Variants in SLC4A1AP observed in about 807,000 individuals in gnomAD.
SLC4A1AP encodes kanadaptin.
A neutral mutation model predicts 89.7 loss-of-function variants in SLC4A1AP; 64 were observed. The ratio of observed to expected loss-of-function variants is 0.71; its 90% confidence interval spans 0.58 to 0.88. The LOEUF (loss-of-function observed/expected upper bound fraction) is 0.88. SLC4A1AP is among the 40% of genes least tolerant of loss of function. SLC4A1AP has a pLI of 0.00. For missense variants in SLC4A1AP, 931 were observed against 965.0 expected, an observed-to-expected ratio of 0.96 and a Z score of 0.47; for synonymous variants, 366 against 353.3, an observed-to-expected ratio of 1.04 and a Z score of -0.40.
chr2:27,687,699 T>C (rs1055390681), intron 10 of SLC4A1AP, among the ~76,000 whole-genome samples: 1 of 152,194 alleles, frequency 6.6e-6, no homozygotes, highest in Non-Finnish European at 1.5e-5. Context: ...TTTTAGTAAG[T>C]ATTGCTAAAA....
chr2:27,664,952 G>A, intron 1 of SLC4A1AP, 148 bp from the exon 2 acceptor site: 1 of 582,570 alleles, frequency 1.7e-6, no homozygotes, highest in Non-Finnish European at 2.9e-6. Context: ...AGCTGCTCAG[G>A]AGGCTGAGGT....
At chr2:27,684,343 G>A (rs1419047931) in intron 9 of SLC4A1AP, among the ~76,000 whole-genome samples, 5 of 150,918 alleles carry the variant, frequency 3.3e-5, no homozygotes, top group East Asian at 2.0e-4. Flanking sequence ...CAGGAGAATC[G>A]CTTGAACCGG....
At chr2:27,691,301 A>G (rs1675782929) in intron 12 of SLC4A1AP, among the ~76,000 whole-genome samples, 1 of 151,902 alleles carries the variant, frequency 6.6e-6, no homozygotes, top group South Asian at 2.1e-4. Flanking sequence ...GAATTTATCC[A>G]TTTCTACTAG....
intron 12 of SLC4A1AP, among the ~76,000 whole-genome samples, chr2:27,689,950 A>T (rs1165266339): frequency 6.6e-6 from 1 of 152,206 alleles, no homozygotes; most frequent in Non-Finnish European, 1.5e-5. Flanking sequence ...GCAGTGTGTT[A>T]ACTGCCCCTT....
intron 6 of SLC4A1AP, among the ~76,000 whole-genome samples, chr2:27,676,260 A>G (rs887207713): frequency 1.3e-5 from 2 of 152,204 alleles, no homozygotes; most frequent in South Asian, 2.1e-4. Flanking sequence ...GTACAATACA[A>G]CCTTTTAAGT....
In SLC4A1AP at chr2:27,693,811, G is replaced by A. The variant is rs184191188; in HGVS notation, c.2341+57G>A. On this transcript the variant is annotated intron_variant, in intron 13 of 13. Transcript: ENST00000613058. ...GTTCATTTATTTATATTTTTGAATA[G>A]GTAATATAGATTTAAGGTTCAACAT... 2.1e-5 allele frequency: 28 copies of A among 1,303,028 alleles called. 1 individual carries two copies. The African/African-American group carries it at 3.0e-4, about 14-fold the overall frequency. The allele number at this position is 1,303,028 out of a possible 1,614,324, so 80.7% of individuals were successfully genotyped here.
At chr2:27,676,916 T>C (rs1453650466) in intron 6 of SLC4A1AP, among the ~76,000 whole-genome samples, 4 of 151,432 alleles carry the variant, frequency 2.6e-5, no homozygotes, top group Admixed American at 2.6e-4. Flanking sequence ...TGAGGCAGGC[T>C]GATCATGAGG....
chr2:27,693,595 G>C (rs1038133236), intron 12 of SLC4A1AP, 90 bp from the exon 13 acceptor site: 2 of 946,826 alleles, frequency 2.1e-6, no homozygotes, highest in African/African-American at 3.3e-5. Flanking sequence ...TGCTTAAGGA[G>C]GCTAACAATA....
chr2:27,692,440 C>T (rs1351294449), intron 12 of SLC4A1AP: 1 of 152,160 alleles, frequency 6.6e-6, no homozygotes, highest in Non-Finnish European at 1.5e-5. Flanking sequence ...GAGAATATTT[C>T]AGGCACTGAT....
At chr2:27,681,309 G>C (rs927689435) in intron 8 of SLC4A1AP, among the ~76,000 whole-genome samples, 4 of 152,188 alleles carry the variant, frequency 2.6e-5, no homozygotes, top group Admixed American at 2.6e-4. Context: ...AAAGGGGCTT[G>C]AGGCTGGACT....
At chr2:27,672,967 T>C (rs1284832742) in intron 5 of SLC4A1AP, among the ~76,000 whole-genome samples, 1 of 152,236 alleles carries the variant, frequency 6.6e-6, no homozygotes, top group Non-Finnish European at 1.5e-5. Flanking sequence ...TTTTAGATTA[T>C]AGTGCCCATG....
At chr2:27,671,590 A>G (rs1675428346) in intron 5 of SLC4A1AP, among the ~76,000 whole-genome samples, 1 of 152,226 alleles carries the variant, frequency 6.6e-6, no homozygotes, top group African/African-American at 2.4e-5. Flanking sequence ...TCTGCTACAG[A>G]ACTGTCACCT....
intron 1 of SLC4A1AP, 98 bp from the exon 2 acceptor site, chr2:27,665,002 A>C: frequency 1.2e-6 from 1 of 852,914 alleles, no homozygotes; most frequent in South Asian, 1.8e-5. Context: ...GGCTGCAGTG[A>C]GGTGTATTAC....
chr2:27,678,015 T>C, intron 8 of SLC4A1AP, 91 bp downstream of exon 8: 1 of 876,896 alleles, frequency 1.1e-6, no homozygotes, highest in East Asian at 2.8e-5. Context: ...ATAATCATTA[T>C]ATAATACAAA....
intron 8 of SLC4A1AP, among the ~76,000 whole-genome samples, chr2:27,680,276 T>A (rs1351543311): frequency 2.6e-5 from 4 of 152,170 alleles, no homozygotes; most frequent in African/African-American, 9.7e-5. Flanking sequence ...AGGGAGACTT[T>A]TCACAGTATA....
chr2:27,664,506 C>G (rs1572986825), exon 1 of SLC4A1AP: 2 of 1,614,196 alleles, frequency 1.2e-6, no homozygotes, highest in East Asian at 2.2e-5. Flanking sequence ...CATCCCACCT[C>G]GCACCTACTG....
Position 27,664,228 on chromosome 2 carries a change from G to A in SLC4A1AP, c.476G>A (p.Trp159Ter). ...GCTCCCCCCTACCAAGAGCCTCCATGGGGTGGCCCTGCCACAGCCCCCTAC... is the reference window on the plus strand; with the variant it reads ...GCTCCCCCCTACCAAGAGCCTCCATAGGGTGGCCCTGCCACAGCCCCCTAC... The change falls in exon 1 of 14, where the codon TGG (tryptophan) becomes TAG (stop). Residue 159 changes from tryptophan to a stop codon, truncating the protein, a stop_gained. Coordinates refer to ENST00000613058, the Ensembl canonical transcript of SLC4A1AP. LOFTEE classifies it high-confidence loss of function. The A allele has an allele frequency of 6.2e-7, 1 of 1,614,158 alleles. No homozygotes were observed. The highest frequency in any genetic ancestry group is 8.5e-7 in the Non-Finnish European group (1 of 1,180,014).
rs188229485 is a variant in SLC4A1AP at position 27,676,874 on chromosome 2, C to T, written c.1507-421C>T. Reference sequence around the variant, plus strand: ...TATTAACTCTGGCCAGGTGTGGTGGCTCACACCTGTAATCCTAGCACTTTG... The same window carrying T: ...TATTAACTCTGGCCAGGTGTGGTGGTTCACACCTGTAATCCTAGCACTTTG... On this transcript the variant is annotated intron_variant, in intron 6 of 13. Coordinates refer to ENST00000613058, the Ensembl canonical transcript of SLC4A1AP. Among the ~76,000 whole-genome samples, 219 of 150,598 alleles carry T rather than the reference C, an allele frequency of 1.5e-3. 3 individuals are homozygous for T. The Middle Eastern group carries it at 0.054, about 37-fold the overall frequency.
exon 10 of SLC4A1AP, chr2:27,685,203 T>G: frequency 6.2e-7 from 1 of 1,614,124 alleles, no homozygotes; most frequent in South Asian, 1.1e-5. Context: ...CAGCCAGAGA[T>G]AGAGCCAGAA....
Sources: allele counts gnomAD v4.1 joint callset (sites outside exome capture counted in the v4.1 genomes callset), GRCh38; gene constraint gnomAD v4.1.1; transcripts MANE v1.5; gene names NCBI Gene and HGNC (gene_info 2026-07-23, HGNC 2026-07-21).